Variants in ARHGAP28 observed in about 807,000 individuals in gnomAD.
ARHGAP28 encodes Rho GTPase activating protein 28.
A neutral mutation model predicts 90.7 loss-of-function variants in ARHGAP28; 56 were observed. The ratio of observed to expected loss-of-function variants is 0.62; its 90% confidence interval spans 0.50 to 0.77. The LOEUF is 0.77. Ranked by LOEUF, ARHGAP28 falls within the 30% of genes least tolerant of loss-of-function variation. The pLI is 0.00. For missense variants in ARHGAP28, 869 were observed against 900.9 expected (o/e 0.96, Z 0.45); for synonymous variants, 308 against 323.3 (o/e 0.95, Z 0.51).
At chr18:6,836,825 A>G (rs950843180) in intron 2 of ARHGAP28, among the ~76,000 whole-genome samples, 3 of 152,218 alleles carry the variant, frequency 2.0e-5, no homozygotes, top group South Asian at 4.1e-4. Flanking sequence ...TTGAACCTCC[A>G]TGTGAGTGAT....
intron 1 of ARHGAP28, among the ~76,000 whole-genome samples, chr18:6,759,728 G>C: frequency 6.6e-6 from 1 of 152,164 alleles, no homozygotes; most frequent in Non-Finnish European, 1.5e-5. Context: ...GAAAAACTAT[G>C]AAAGAATAAC....
chr18:6,820,378 A>T (rs1033460754), intron 1 of ARHGAP28, among the ~76,000 whole-genome samples: 7 of 152,214 alleles, frequency 4.6e-5, no homozygotes, highest in Non-Finnish European at 1.0e-4. Flanking sequence ...GCAGAGAGAG[A>T]GTTGGGGGAG....
Position 6,882,294 on chromosome 18 carries a change from T to C in ARHGAP28, c.1448T>C (p.Met483Thr), listed in dbSNP as rs1050703307. 6.8e-6 allele frequency: 11 copies of C among 1,611,430 alleles called. No individual in the cohort carries two copies. Among genetic ancestry groups the C allele is most frequent in the African/African-American group, 1.3e-5 (1 of 74,904 alleles). The stretch of plus-strand genomic sequence containing the variant: ...TATATACCTGCCTTCATCAGTCTAA[T>C]GGAAAGTAGGTGGAAGACGTTATAT... ...VEYIPAFISL[M>T]ERGPHVKVQF... The change falls in exon 11 of 18, where the codon ATG becomes ACG. Residue 483 changes from methionine to threonine, a missense_variant. Transcript: ENST00000383472.
At chr18:6,858,973 A>G (rs999158835) in intron 4 of ARHGAP28, among the ~76,000 whole-genome samples, 1 of 152,362 alleles carries the variant, frequency 6.6e-6, no homozygotes, top group Non-Finnish European at 1.5e-5. Flanking sequence ...AAATGCATTA[A>G]ATTTTGCAAT....
chr18:6,765,894 T>A (rs1458926659), intron 1 of ARHGAP28, among the ~76,000 whole-genome samples: 1 of 152,240 alleles, frequency 6.6e-6, no homozygotes, highest in Non-Finnish European at 1.5e-5. Context: ...TAAAAGTGTG[T>A]TGCTTAATTT....
Position 6,781,937 on chromosome 18 carries a change from G to A in ARHGAP28, c.123-42825G>A, listed in dbSNP as rs189650975. Among the ~76,000 whole-genome samples the A allele has an allele frequency of 4.1e-3, 625 of 152,238 alleles. 3 individuals carry two copies. Among genetic ancestry groups the A allele is most frequent in the Non-Finnish European group, 6.2e-3 (424 of 68,018 alleles). ...CTGACAATTCTCCCTGGGGCAAGTG[G>A]TAAACTGGCCAGCCCATATCTCTTG... On this transcript the variant is annotated intron_variant, in intron 1 of 17. Transcript: ENST00000383472.
intron 16 of ARHGAP28, among the ~76,000 whole-genome samples, chr18:6,908,159 A>T (rs1259664019): frequency 2.2e-5 from 3 of 135,358 alleles, no homozygotes; most frequent in Non-Finnish European, 5.0e-5. Context: ...TATTTTCGAG[A>T]TGGAGTTTCA....
At chr18:6,841,165 C>G (rs1600234769) in intron 3 of ARHGAP28, among the ~76,000 whole-genome samples, 3 of 98,490 alleles carry the variant, frequency 3.0e-5, no homozygotes, top group Non-Finnish European at 6.6e-5. Flanking sequence ...CTTTCTCTCT[C>G]TCCTCTCTCT....
intron 1 of ARHGAP28, among the ~76,000 whole-genome samples, chr18:6,759,630 C>T (rs963965888): frequency 2.0e-5 from 3 of 152,152 alleles, no homozygotes; most frequent in African/African-American, 7.2e-5. Flanking sequence ...TTGAAATCTA[C>T]AGCACATCTA....
intron 1 of ARHGAP28, among the ~76,000 whole-genome samples, chr18:6,735,256 T>G (rs2055915546): frequency 6.6e-6 from 1 of 152,254 alleles, no homozygotes; most frequent in South Asian, 2.1e-4. Context: ...TGTTAACATC[T>G]TGCAAAACCA....
intron 1 of ARHGAP28, among the ~76,000 whole-genome samples, chr18:6,801,071 A>G (rs1204135504): frequency 6.6e-6 from 1 of 152,182 alleles, no homozygotes; most frequent in East Asian, 1.9e-4. Context: ...TACCTAAGCC[A>G]AGGTCACAAA....
intron 11 of ARHGAP28, among the ~76,000 whole-genome samples, chr18:6,885,198 T>C (rs1301129512): frequency 2.6e-5 from 4 of 152,228 alleles, no homozygotes; most frequent in African/African-American, 9.6e-5. Flanking sequence ...CCACATTCCT[T>C]CGTATGACTT....
At chr18:6,832,754 T>C (rs2056725748) in intron 2 of ARHGAP28, among the ~76,000 whole-genome samples, 1 of 152,040 alleles carries the variant, frequency 6.6e-6, no homozygotes, top group Non-Finnish European at 1.5e-5. Flanking sequence ...GTTTGCAAGA[T>C]ATATCTTATT....
chr18:6,758,393 G>C (rs12962078), intron 1 of ARHGAP28, among the ~76,000 whole-genome samples: 2 of 151,706 alleles, frequency 1.3e-5, no homozygotes, highest in Non-Finnish European at 2.9e-5. Flanking sequence ...GCATGATCTC[G>C]GCTCACTGAA....
At chr18:6,786,325 A>G (rs1202355454) in intron 1 of ARHGAP28, among the ~76,000 whole-genome samples, 1 of 152,086 alleles carries the variant, frequency 6.6e-6, no homozygotes, top group East Asian at 1.9e-4. Context: ...TGTCATATAT[A>G]CTTAAAGAAA....
In ARHGAP28 at chr18:6,760,228, T is replaced by C. The variant is rs575315295; in HGVS notation, c.122+30285T>C. On this transcript the variant is annotated intron_variant, in intron 1 of 17. Coordinates refer to ENST00000383472, the MANE Select transcript of ARHGAP28 (RefSeq NM_001366230.1). ...TTTGGTGACAGTAAATTTGCAAATA[T>C]GATTATTTTCATTTTCCAAGTAAAA... Among the ~76,000 whole-genome samples the C allele has an allele frequency of 1.5e-3, 232 of 152,334 alleles. 1 individual carries two copies. Among genetic ancestry groups the C allele is most frequent in the African/African-American group, 5.3e-3 (220 of 41,580 alleles).
intron 1 of ARHGAP28, among the ~76,000 whole-genome samples, chr18:6,742,358 T>C (rs7506085): frequency 0.97 from 147,370 of 151,868 alleles, 71,670 homozygotes; most frequent in Middle Eastern, 1. Flanking sequence ...TTAGTAGAGA[T>C]GGGGTTTCAT....
chr18:6,776,045 A>G (rs1316263155), intron 1 of ARHGAP28, among the ~76,000 whole-genome samples: 3 of 152,240 alleles, frequency 2.0e-5, no homozygotes, highest in African/African-American at 7.2e-5. Context: ...AGGAACTTTT[A>G]CAGATAAAGG....
At chr18:6,762,598 A>G (rs2056170661) in intron 1 of ARHGAP28, among the ~76,000 whole-genome samples, 1 of 151,962 alleles carries the variant, frequency 6.6e-6, no homozygotes, top group South Asian at 2.1e-4. Flanking sequence ...AATCCCCAGT[A>G]CCTCAGAATG....
Sources: allele counts gnomAD v4.1 joint callset (sites outside exome capture counted in the v4.1 genomes callset), GRCh38; gene constraint gnomAD v4.1.1; transcripts MANE v1.5; gene names NCBI Gene and HGNC (gene_info 2026-07-23, HGNC 2026-07-21).